Variants in AADACL4 observed in about 807,000 individuals in gnomAD.
The protein encoded by AADACL4 is arylacetamide deacetylase like 4.
A neutral mutation model predicts 14.1 loss-of-function variants in AADACL4; 9 were observed. The observed-to-expected ratio is 0.64, with a 90% CI of 0.39 to 1.12. The LOEUF is 1.12. AADACL4 is among the 50% of genes most tolerant of loss of function. The probability of loss-of-function intolerance (pLI) is 0.01; values close to 1 mark genes in which losing one functional copy is unlikely to be tolerated. For missense variants in AADACL4, 531 were observed against 516.1 expected (o/e 1.03, Z -0.28); for synonymous variants, 188 against 201.6 (o/e 0.93, Z 0.57).
Position 12,644,474 on chromosome 1 carries a change from C to A in AADACL4, c.-73C>A. The A allele has an allele frequency of 6.4e-7, 1 of 1,553,482 alleles. No individual in the cohort carries two copies. The highest frequency in any genetic ancestry group is 1.4e-5 in the African/African-American group (1 of 73,828). ...GAGGTGGAGGAGGCGGAGGGTGTAA[C>A]CCAGCCAGGTCCTCTTCACATAAGC... On this transcript the variant is annotated 5_prime_UTR_variant, in exon 1 of 4. Transcript: ENST00000376221.
At chr1:12,653,478 G>A (rs74057610) in intron 2 of AADACL4, among the ~76,000 whole-genome samples, 3,143 of 152,234 alleles carry the variant, frequency 0.021, 103 homozygotes, top group African/African-American at 0.072. Flanking sequence ...TTATACAGCC[G>A]GATAGCCTGT....
intron 2 of AADACL4, among the ~76,000 whole-genome samples, chr1:12,655,677 G>C (rs868190385): frequency 6.6e-6 from 1 of 152,058 alleles, no homozygotes; most frequent in African/African-American, 2.4e-5. Flanking sequence ...GAGTTACAAG[G>C]ATGGCTATCA....
chr1:12,651,748 G>A (rs902999118), intron 2 of AADACL4, among the ~76,000 whole-genome samples: 3 of 151,384 alleles, frequency 2.0e-5, no homozygotes, highest in Admixed American at 6.6e-5. Flanking sequence ...CTGCCTCCTT[G>A]CATCCCAGCC....
intron 2 of AADACL4, among the ~76,000 whole-genome samples, chr1:12,659,324 C>G (rs183863424): frequency 4.9e-4 from 74 of 152,288 alleles, no homozygotes; most frequent in African/African-American, 1.6e-3. Context: ...CTCACAGCAT[C>G]ATTCCGATTT....
chr1:12,660,137 G>A (rs574939061), intron 2 of AADACL4, among the ~76,000 whole-genome samples: 32 of 152,182 alleles, frequency 2.1e-4, no homozygotes, highest in African/African-American at 7.7e-4. Context: ...TTACAGAGAC[G>A]GGGTCTTGCT....
intron 1 of AADACL4, among the ~76,000 whole-genome samples, chr1:12,647,850 G>T (rs927144613): frequency 6.6e-6 from 1 of 151,908 alleles, no homozygotes; most frequent in Non-Finnish European, 1.5e-5. Context: ...TAGAGACCAG[G>T]TTTTGCCATG....
At chr1:12,661,992 C>A (rs936626859) in intron 3 of AADACL4, 138 bp downstream of exon 3, 1 of 981,654 alleles carries the variant, frequency 1.0e-6, no homozygotes, top group Non-Finnish European at 1.5e-6. Context: ...ACAGGCGCAG[C>A]AGTGCTCGAA....
intron 2 of AADACL4, among the ~76,000 whole-genome samples, chr1:12,658,039 T>C (rs1234817915): frequency 1.3e-5 from 2 of 149,434 alleles, no homozygotes; most frequent in Non-Finnish European, 3.0e-5. Context: ...TTTCTTTCCT[T>C]CCTTCCTTCC....
chr1:12,665,629 A>G (rs1570435780), intron 3 of AADACL4, among the ~76,000 whole-genome samples: 3 of 152,220 alleles, frequency 2.0e-5, no homozygotes, highest in African/African-American at 7.2e-5. Flanking sequence ...TGGGACTGGT[A>G]GTGGTTTCAT....
rs546282235 is a variant in AADACL4 at position 12,649,979 on chromosome 1, C to T, written c.169-1144C>T. Among the ~76,000 whole-genome samples, 4 of 152,342 alleles carry T rather than the reference C, an allele frequency of 2.6e-5. No individual in the cohort carries two copies. In the East Asian group the frequency reaches 7.7e-4, roughly 29 times the overall value. ...GGAACTTGACCTTGGCATGTCTTAA[C>T]TTCCTGATTTATAAAATGGAGCTGG... On this transcript the variant is annotated intron_variant, in intron 1 of 3. Coordinates refer to ENST00000376221, the MANE Select transcript of AADACL4 (RefSeq NM_001013630.2).
At chr1:12,658,688 T>C (rs1647203238) in intron 2 of AADACL4, among the ~76,000 whole-genome samples, 1 of 147,872 alleles carries the variant, frequency 6.8e-6, no homozygotes, top group Non-Finnish European at 1.5e-5. Flanking sequence ...CCGGCGCTGA[T>C]GCTGCCCTGC....
rs1325686156 is a variant in AADACL4 at position 12,666,184 on chromosome 1, G to T, written c.673G>T (p.Val225Phe). The T allele has an allele frequency of 6.2e-7, 1 of 1,614,262 alleles. No individual in the cohort carries two copies. Among genetic ancestry groups the T allele is most frequent in the Admixed American group, 1.7e-5 (1 of 60,036 alleles). Residue 225 changes from valine to phenylalanine, a missense_variant, in exon 4 of 4, where the codon GTC becomes TTC. Transcript: ENST00000376221. ...IRAQVLIYPVVQAFCLQLPSF... is the reference protein window; with the variant it reads ...IRAQVLIYPVFQAFCLQLPSF... ...GGCTCAGGTTCTGATTTATCCAGTT[G>T]TCCAGGCATTCTGTTTGCAGTTGCC...
chr1:12,651,450 G>A, intron 2 of AADACL4, 111 bp downstream of exon 2: 1 of 1,194,110 alleles, frequency 8.4e-7, no homozygotes. Flanking sequence ...ATCAGTTGTT[G>A]GAGATTTTTA....
At chr1:12,653,982 TACAAA>T (rs1647165905) in intron 2 of AADACL4, among the ~76,000 whole-genome samples, 1 of 152,174 alleles carries the variant, frequency 6.6e-6, no homozygotes, top group African/African-American at 2.4e-5. Flanking sequence ...CCAAGGGATT[TACAAA>T]CATGTGAGTC....
chr1:12,646,285 C>A (rs1170211891), intron 1 of AADACL4, among the ~76,000 whole-genome samples: 1 of 152,176 alleles, frequency 6.6e-6, no homozygotes, highest in Admixed American at 6.5e-5. Flanking sequence ...CGGTCCTGCA[C>A]CATTTACTTA....
chr1:12,646,769 G>C (rs993205365), intron 1 of AADACL4, among the ~76,000 whole-genome samples: 3 of 152,236 alleles, frequency 2.0e-5, no homozygotes, highest in Non-Finnish European at 4.4e-5. Flanking sequence ...TGCAGCCGCT[G>C]AAAGGGTGGA....
chr1:12,653,871 C>T (rs1381329845), intron 2 of AADACL4, among the ~76,000 whole-genome samples: 5 of 152,182 alleles, frequency 3.3e-5, no homozygotes, highest in African/African-American at 4.8e-5. Flanking sequence ...GACCTGAATG[C>T]CATTCTTCTC....
chr1:12,661,410 C>A (rs768581261), intron 2 of AADACL4, among the ~76,000 whole-genome samples: 1 of 152,182 alleles, frequency 6.6e-6, no homozygotes, highest in African/African-American at 2.4e-5. Flanking sequence ...AGAAACATCC[C>A]GTCCAACCCT....
intron 1 of AADACL4, among the ~76,000 whole-genome samples, chr1:12,649,685 G>A (rs1487655436): frequency 6.6e-6 from 1 of 152,178 alleles, no homozygotes; most frequent in Non-Finnish European, 1.5e-5. Flanking sequence ...GCTCACACTG[G>A]CCAGGACCCA....
Sources: gnomAD v4.1 joint callset for allele counts (sites outside exome capture counted in the v4.1 genomes callset) on GRCh38, gnomAD v4.1.1 for gene constraint, MANE v1.5 for transcripts, NCBI Gene and HGNC (gene_info 2026-07-23, HGNC 2026-07-21) for gene names.